CSNK1G3: variants seen among roughly 807,000 people sequenced by gnomAD.
The protein encoded by CSNK1G3 is casein kinase 1 gamma 3, also known as casein kinase I isoform gamma-3.
A neutral mutation model predicts 64.3 loss-of-function variants in CSNK1G3; 23 were observed. That is an observed-to-expected ratio of 0.36 (90% CI 0.26 to 0.51). The LOEUF (loss-of-function observed/expected upper bound fraction) is 0.51. Among genes scored for constraint, CSNK1G3 ranks in the 20% least tolerant of loss-of-function variants. CSNK1G3 has a pLI of 0.96. For synonymous variants in CSNK1G3, 158 were observed against 162.2 expected (o/e 0.97, Z 0.20); for missense variants, 357 against 510.5 (o/e 0.70, Z 2.90).
chr5:123,561,585 C>G (rs1486155493), intron 4 of CSNK1G3, among the ~76,000 whole-genome samples: 2 of 152,102 alleles, frequency 1.3e-5, no homozygotes, highest in Non-Finnish European at 2.9e-5. Flanking sequence ...TCCTGCAATC[C>G]TGGACTTTTT....
intron 4 of CSNK1G3, among the ~76,000 whole-genome samples, chr5:123,566,699 C>T (rs12521053): frequency 0.24 from 35,754 of 151,900 alleles, 4,298 homozygotes; most frequent in Middle Eastern, 0.37. Context: ...AAAAACTGTC[C>T]AGACTTGTTC....
chr5:123,515,962 A>G lies in CSNK1G3; in HGVS notation c.-248+3392A>G, dbSNP rs1777095634. Among the ~76,000 whole-genome samples the G allele has an allele frequency of 2.6e-5, 4 of 152,194 alleles. No homozygotes were observed. In the South Asian group the frequency reaches 6.2e-4, roughly 24 times the overall value. ...AGAGTTTAAATAATGTGTTGAAGAT[A>G]TATCTTGGAAGTAGCAGAGTGCATA... On this transcript the variant is annotated intron_variant, in intron 1 of 12. Transcript: ENST00000345990.
At chr5:123,595,084 C>T (rs1048493025) in intron 10 of CSNK1G3, 1 of 1,613,712 alleles carries the variant, frequency 6.2e-7, no homozygotes. Flanking sequence ...GGCAAATCCC[C>T]ACCATTTGAG....
At position 123,546,537 on chromosome 5, in the gene CSNK1G3, A is replaced by C. The variant is rs546758150; in HGVS notation, c.178+696A>C. Among the ~76,000 whole-genome samples, 15 of 152,228 alleles carry C rather than the reference A, an allele frequency of 9.9e-5. No homozygotes were observed. In the South Asian group the frequency reaches 3.1e-3, roughly 32 times the overall value. On this transcript the variant is annotated intron_variant, in intron 2 of 12. Coordinates refer to ENST00000345990, the Ensembl canonical transcript of CSNK1G3. ...TCAAAATCTAGGTATTTTAACTTCC[A>C]GTACAGTAGTGATGTAGCTTTTCCA... is the stretch of plus-strand genomic sequence containing the variant.
chr5:123,518,253 G>C lies in CSNK1G3; in HGVS notation c.-248+5683G>C, dbSNP rs114512482. On this transcript the variant is annotated intron_variant, in intron 1 of 12. Transcript: ENST00000345990. The stretch of plus-strand genomic sequence containing the variant: ...CACCTAGCTCAGTCCAAATGGAAAG[G>C]AGAACTTTCAGTTGAAGGAGCAGGA... 3.3e-3 allele frequency among the ~76,000 whole-genome samples: 498 copies of C among 152,370 alleles called. 5 individuals are homozygous for C. The highest frequency in any genetic ancestry group is 0.012 in the African/African-American group (490 of 41,584).
At chr5:123,542,849 A>AGTGTGTGTGTGTGTGT (rs66645709) in intron 1 of CSNK1G3, among the ~76,000 whole-genome samples, 182 of 134,894 alleles carry the variant, frequency 1.3e-3, no homozygotes, top group African/African-American at 4.5e-3. Context: ...GCCTAGATTT[A>AGTGTGTGTGTGTGTGT]GTGTGTGTGT....
At chr5:123,581,658 T>G (rs938761443) in intron 6 of CSNK1G3, among the ~76,000 whole-genome samples, 3 of 151,794 alleles carry the variant, frequency 2.0e-5, no homozygotes, top group Non-Finnish European at 2.9e-5. Flanking sequence ...TGTATTGTCT[T>G]GCATAATTGT....
At chr5:123,612,486 T>G (rs1419057227) in intron 12 of CSNK1G3, among the ~76,000 whole-genome samples, 1 of 151,930 alleles carries the variant, frequency 6.6e-6, no homozygotes, top group African/African-American at 2.4e-5. Flanking sequence ...GCTATTTTTT[T>G]TTTTTTTTTG....
Position 123,544,151 on chromosome 5 carries a change from C to T in CSNK1G3, c.-247-1266C>T, listed in dbSNP as rs569473304. 6.6e-5 allele frequency among the ~76,000 whole-genome samples: 10 copies of T among 152,216 alleles called. No homozygotes were observed. The East Asian group carries it at 1.2e-3, about 18-fold the overall frequency. ...GCAGGTTAGCTCACTGCAACCTTGG[C>T]GTTACCAGTACTGCACATAGCCCTC... On this transcript the variant is annotated intron_variant, in intron 1 of 12. Coordinates refer to ENST00000345990, the Ensembl canonical transcript of CSNK1G3.
At chr5:123,558,637 GT>G (rs1243995356) in intron 4 of CSNK1G3, among the ~76,000 whole-genome samples, 5 of 152,068 alleles carry the variant, frequency 3.3e-5, no homozygotes, top group African/African-American at 1.2e-4. Flanking sequence ...GGGGCAATAA[GT>G]TTTAAATGTT....
chr5:123,577,912 C>G (rs905385796), intron 6 of CSNK1G3, among the ~76,000 whole-genome samples: 2 of 151,910 alleles, frequency 1.3e-5, no homozygotes, highest in Admixed American at 6.6e-5. Context: ...AATCACTGAT[C>G]TGATTTCTAT....
intron 1 of CSNK1G3, among the ~76,000 whole-genome samples, chr5:123,531,139 A>G: frequency 6.6e-6 from 1 of 152,156 alleles, no homozygotes. Flanking sequence ...TGGGAAATCA[A>G]TTCTATGACA....
intron 6 of CSNK1G3, among the ~76,000 whole-genome samples, chr5:123,576,813 T>G (rs965554290): frequency 2.0e-5 from 3 of 152,100 alleles, no homozygotes; most frequent in African/African-American, 7.2e-5. Flanking sequence ...GTAGTTAGAT[T>G]TTGGGATTAT....
At chr5:123,601,396 T>C (rs1794475074) in intron 10 of CSNK1G3, among the ~76,000 whole-genome samples, 1 of 152,198 alleles carries the variant, frequency 6.6e-6, no homozygotes. Context: ...TTAACTCTGT[T>C]ACCACAGTGA....
At chr5:123,521,552 A>C (rs886108774) in intron 1 of CSNK1G3, among the ~76,000 whole-genome samples, 4 of 152,190 alleles carry the variant, frequency 2.6e-5, no homozygotes, top group Admixed American at 2.0e-4. Context: ...CTACTAATGA[A>C]GGTGGTTTTT....
intron 6 of CSNK1G3, among the ~76,000 whole-genome samples, chr5:123,581,861 TAATTTTTATCTTTTTTTTACTTATA>T (rs1790365909): frequency 1.3e-5 from 2 of 152,138 alleles, no homozygotes; most frequent in South Asian, 4.1e-4. Flanking sequence ...TTGTAGTAGA[TAATTTTTATCTTTTTTTTACTTATA>T]AGAAATGATT....
chr5:123,575,811 G>C, exon 6 of CSNK1G3: 1 of 1,613,566 alleles, frequency 6.2e-7, no homozygotes, highest in Non-Finnish European at 8.5e-7. Flanking sequence ...GGACGACCAG[G>C]AAACAAAACC....
At chr5:123,611,997 TA>T (rs1166381191) in intron 12 of CSNK1G3, among the ~76,000 whole-genome samples, 2 of 152,226 alleles carry the variant, frequency 1.3e-5, no homozygotes, top group Non-Finnish European at 2.9e-5. Context: ...AAATTTGACT[TA>T]TTTTTTTAAA....
chr5:123,512,403 C>T (rs1282773616), exon 1 of CSNK1G3: 2 of 152,142 alleles, frequency 1.3e-5, no homozygotes, highest in Non-Finnish European at 2.9e-5. Flanking sequence ...CTCGCTCCTT[C>T]CCCCCTACCT....
Sources: allele counts gnomAD v4.1 joint callset (sites outside exome capture counted in the v4.1 genomes callset), GRCh38; gene constraint gnomAD v4.1.1; transcripts MANE v1.5; gene names NCBI Gene and HGNC (gene_info 2026-07-23, HGNC 2026-07-21).